The following PLEC variants were observed in gnomAD, a reference collection of about 807,000 sequenced individuals.
PLEC encodes plectin.
Under a neutral mutation model 392.8 loss-of-function variants are expected in PLEC, and 216 were observed. The ratio of observed to expected loss-of-function variants is 0.55; its 90% CI spans 0.49 to 0.62. The LOEUF (loss-of-function observed/expected upper bound fraction) is 0.62, where lower values mean the gene tolerates loss of function less well. PLEC is among the 20% of genes least tolerant of loss of function. The probability of loss-of-function intolerance (pLI) is 0.00; values close to 1 mark genes in which losing one functional copy is unlikely to be tolerated. For missense variants in PLEC, 6,863 were observed against 6,563.4 expected, an observed-to-expected ratio of 1.05 and a Z score of -1.58; for synonymous variants, 3,621 against 2,980.6, an observed-to-expected ratio of 1.21 and a Z score of -7.00.
chr8:143,976,297 GCT>G (rs1833659868), upstream of PLEC, among the ~76,000 whole-genome samples: 1 of 152,158 alleles, frequency 6.6e-6, no homozygotes, highest in African/African-American at 2.4e-5. Flanking sequence ...GGTGAATGGG[GCT>G]CTGTCTCGGA....
rs1554677743 is a variant in PLEC at position 143,919,274 on chromosome 8, T to C, written c.10547A>G (p.Asn3516Ser). The change falls in exon 32 of 32, where the codon AAC (asparagine) becomes AGC (serine). Residue 3516 changes from asparagine to serine, a missense_variant. Physicochemically the swap from Asn to Ser is conservative, Grantham distance 46. Transcript: ENST00000345136. ...CCTGTACGTGAGGTTCTCATGCGTG[T>C]TGGGGTCAAAGAAGCCCTTGGTGTC... ...SDDTKGFFDP[N>S]THENLTYRQL... is the part of the protein sequence containing the mutation. 10 of 1,613,978 alleles carry C rather than the reference T, an allele frequency of 6.2e-6. No individual in the cohort carries two copies. The highest frequency in any genetic ancestry group is 5.9e-6 in the Non-Finnish European group (7 of 1,180,030).
At chr8:143,953,882 A>AGGGCTTTCCGGCCAGGGGCG, upstream of PLEC, 1 of 1,529,384 alleles carries the variant, frequency 6.5e-7, no homozygotes, top group Non-Finnish European at 8.8e-7. Flanking sequence ...GGTCCGGGGC[A>AGGGCTTTCCGGCCAGGGGCG]GGGCTTGCCG....
rs886044801 is a variant in PLEC at position 143,920,154 on chromosome 8, C to G, written c.9667G>C (p.Glu3223Gln). 1 of 1,612,700 alleles carries G rather than the reference C, an allele frequency of 6.2e-7. No individual in the cohort carries two copies. Among genetic ancestry groups the G allele is most frequent in the Admixed American group, 1.7e-5 (1 of 60,026 alleles). The part of the protein sequence containing the change: ...SEKAARARQE[E>Q]LYSELQARET... ...CGGGCCTGCAGCTCTGAGTAGAGCT[C>G]CTCCTGCCGGGCCCGAGCAGCCTTT... The change falls in exon 32 of 32, where the codon GAG becomes CAG. Residue 3223 changes from glutamate (E) to glutamine (Q), a missense_variant. Glu to Gln is a conservative substitution (Grantham distance 29). Coordinates refer to ENST00000345136, the MANE Select transcript of PLEC (RefSeq NM_201384.3).
chr8:143,958,648 C>A (rs1331804035), upstream of PLEC: 6 of 454,138 alleles, frequency 1.3e-5, no homozygotes, highest in Admixed American at 1.4e-4. This position sits in a 1 kb window ranked among gnomAD's most constrained non-coding sequence, Gnocchi z 4.9. Flanking sequence ...GCAGGTCCCA[C>A]CACAGCCCTG....
Position 143,922,538 on chromosome 8 carries a change from T to C in PLEC, c.7391A>G (p.Gln2464Arg). The stretch of plus-strand genomic sequence containing the variant: ...CTTGAGCTGCAGCAGTTTGGCCTCC[T>C]GTTGGAGCTTCTCCTTCTCACGCTC... The part of the protein sequence containing the change: ...ELEREKEKLQ[Q>R]EAKLLQLKSE... The change falls in exon 31 of 32, where the codon CAG (glutamine) becomes CGG (arginine). Residue 2464 changes from glutamine to arginine, a missense_variant. Transcript: ENST00000345136. 3.7e-6 allele frequency: 6 copies of C among 1,612,368 alleles called. No homozygotes were observed. Among genetic ancestry groups the C allele is most frequent in the Non-Finnish European group, 5.1e-6 (6 of 1,179,970 alleles).
At position 143,918,045 on chromosome 8, in the gene PLEC, G is replaced by T. The variant is rs782443785; in HGVS notation, c.11776C>A (p.Gln3926Lys). 2 of 1,607,222 alleles carry T rather than the reference G, an allele frequency of 1.2e-6. No individual in the cohort carries two copies. The highest frequency in any genetic ancestry group is 1.1e-5 in the South Asian group (1 of 90,398). ...TSIEEVTKNL[Q>K]KFLEGTSCIA... ...CAGCTGGTGCCTTCCAGGAACTTCT[G>T]CAAGTTCTTGGTGACCTCCTCGATG... The change falls in exon 32 of 32, where the codon CAG becomes AAG. Residue 3926 changes from glutamine (Q) to lysine (K), a missense_variant. Transcript: ENST00000345136.
intron 19 of PLEC, 137 bp from the exon 20 acceptor site, chr8:143,930,673 T>C (rs1826973837): frequency 4.4e-6 from 4 of 911,568 alleles, no homozygotes; most frequent in Non-Finnish European, 5.0e-6. Context: ...GCAGGAGGTA[T>C]AGCTGGGACA....
intron 1 of PLEC, 39 bp downstream of exon 1, chr8:143,939,311 G>A (rs782696911): frequency 5.7e-6 from 9 of 1,590,420 alleles, no homozygotes; most frequent in East Asian, 2.3e-5. Context: ...GCAGGGGCCC[G>A]CCCTGCCTGG....
At chr8:143,941,143 C>T (rs1333849436), upstream of PLEC, among the ~76,000 whole-genome samples, 2 of 152,356 alleles carry the variant, frequency 1.3e-5, no homozygotes, top group African/African-American at 4.8e-5. Context: ...CAGCAGCTAC[C>T]CTGAGGCCAA....
intron 1 of PLEC, chr8:143,946,421 G>T: frequency 7.8e-7 from 1 of 1,285,702 alleles, no homozygotes; most frequent in Non-Finnish European, 1.0e-6. Context: ...GCTGCTCCGA[G>T]AGCCGGCAGG....
chr8:143,932,767 A>G (rs1827773200), intron 14 of PLEC, 26 bp downstream of exon 14: 2 of 1,610,298 alleles, frequency 1.2e-6, no homozygotes, highest in Non-Finnish European at 1.7e-6. Context: ...CCACCCCCGC[A>G]CTGCCCATCG....
exon 1 of PLEC, chr8:143,950,776 C>A (rs953423039): frequency 4.4e-5 from 67 of 1,530,956 alleles, no homozygotes; most frequent in Non-Finnish European, 5.8e-5. Flanking sequence ...AGGCCCGGGG[C>A]GCTGCGAGAA....
intron 9 of PLEC, 30 bp from the exon 10 acceptor site, chr8:143,934,760 G>A (rs782521630): frequency 5.6e-5 from 91 of 1,611,966 alleles, no homozygotes; most frequent in Middle Eastern, 4.9e-4. Context: ...CGGCAACCAC[G>A]CCGGGCTCTC....
intron 1 of PLEC, among the ~76,000 whole-genome samples, chr8:143,964,691 C>G (rs1221290224): frequency 6.6e-6 from 1 of 152,166 alleles, no homozygotes; most frequent in African/African-American, 2.4e-5. Context: ...GGCACATTCT[C>G]TGGGGGTATC....
chr8:143,975,258 G>C (rs782451548), upstream of PLEC: 1 of 1,608,560 alleles, frequency 6.2e-7, no homozygotes, highest in South Asian at 1.1e-5. The surrounding 1 kb of genome is among the most constrained non-coding windows in gnomAD (Gnocchi z 9.9). Flanking sequence ...CGCCGGCTCC[G>C]CTGCGTTTTC....
At chr8:143,951,581 G>A (rs572298827), upstream of PLEC, among the ~76,000 whole-genome samples, 6 of 152,218 alleles carry the variant, frequency 3.9e-5, no homozygotes, top group East Asian at 1.9e-4. Flanking sequence ...ACAGCCCTCT[G>A]AGCAGAGCAC....
chr8:143,928,512 C>T lies in PLEC; in HGVS notation c.3261-520G>A, dbSNP rs111841827. On this transcript the variant is annotated intron_variant, in intron 25 of 31. Coordinates refer to ENST00000345136, the MANE Select transcript of PLEC (RefSeq NM_201384.3). ...CTGTGCTGGTTCTGTGAGGAGTAGA[C>T]AGCGGGTGGACCTGTGGTTTGCAAC... Among the ~76,000 whole-genome samples, 852 of 102,388 alleles carry T rather than the reference C, an allele frequency of 8.3e-3. 6 individuals carry two copies. Among genetic ancestry groups the T allele is most frequent in the Non-Finnish European group, 0.013 (623 of 48,792 alleles). 67.2% of individuals were successfully genotyped at this position (102,388 alleles called of 152,430 possible).
At position 143,918,945 on chromosome 8, in the gene PLEC, T is replaced by C. The variant is rs1821539881; in HGVS notation, c.10876A>G (p.Ile3626Val). 6.2e-7 allele frequency: 1 copy of C among 1,610,572 alleles called. No homozygotes were observed. Among genetic ancestry groups the C allele is most frequent in the South Asian group, 1.1e-5 (1 of 91,090 alleles). Residue 3626 changes from isoleucine to valine, a missense_variant, in exon 32 of 32, where the codon ATT becomes GTT. Coordinates refer to ENST00000345136, the MANE Select transcript of PLEC (RefSeq NM_201384.3). Reference sequence around the variant, plus strand: ...TGGCGGATGATCTCTGTCTTCTCAATGATCTCGATGATGATGATGATCATG... The same window carrying C: ...TGGCGGATGATCTCTGTCTTCTCAACGATCTCGATGATGATGATGATCATG... ...ERMIIIIIEI[I>V]EKTEIIRQQG...
rs200805625 is a variant in PLEC, at chr8:143,919,573, G to A, written c.10248C>T (p.Gly3416=). Reference sequence around the variant, plus strand: ...GCTCGTGAAGCTCGGGGCCCACCACGCCCGCCTTCACGGCCTCGTGGACAT... The same window carrying A: ...GCTCGTGAAGCTCGGGGCCCACCACACCCGCCTTCACGGCCTCGTGGACAT... ...RLYVHEAVKA[G]VVGPELHEQL... Residue 3416 remains glycine (G), a synonymous_variant, in exon 32 of 32, where the codon GGC becomes GGT. Coordinates refer to ENST00000345136, the MANE Select transcript of PLEC (RefSeq NM_201384.3). 4.5e-4 allele frequency: 716 copies of A among 1,604,096 alleles called. 12 individuals carry two copies. In the South Asian group the frequency reaches 7.3e-3, roughly 16 times the overall value.
Sources: allele counts gnomAD v4.1 joint callset (sites outside exome capture counted in the v4.1 genomes callset), GRCh38; gene constraint gnomAD v4.1.1; non-coding constraint Gnocchi (gnomAD v3.1); transcripts MANE v1.5; gene names NCBI Gene and HGNC (gene_info 2026-07-23, HGNC 2026-07-21).